Variants in GCH1 observed in about 807,000 individuals in gnomAD.
GCH1 encodes GTP cyclohydrolase I.
GCH1 carries 5 observed loss-of-function variants against 25.9 expected under a neutral mutation model. That is an observed-to-expected ratio of 0.19 (90% confidence interval 0.10 to 0.41). GCH1 has a LOEUF of 0.41. Ranked by LOEUF, GCH1 falls within the 10% of genes least tolerant of loss-of-function variation. GCH1 has a pLI of 1.00. For missense variants in GCH1, 261 were observed against 336.5 expected (o/e 0.78, Z 1.75); for synonymous variants, 159 against 129.6 (o/e 1.23, Z -1.54).
chr14:54,895,683 G>C lies in GCH1; in HGVS notation c.343+6638C>G, dbSNP rs571015568. Among the ~76,000 whole-genome samples the C allele has an allele frequency of 5.9e-4, 90 of 152,310 alleles. 1 individual carries two copies. In the South Asian group the frequency reaches 0.018, roughly 30 times the overall value. On this transcript the variant is annotated intron_variant, in intron 1 of 5. Transcript: ENST00000491895. ...CCAAGATAAAACCTTGAATATTTAA[G>C]AGAACTAGGATACAGCTAAACTGAA...
At chr14:54,846,372 A>G (rs1010231818) in intron 4 of GCH1, among the ~76,000 whole-genome samples, 2 of 152,216 alleles carry the variant, frequency 1.3e-5, no homozygotes, top group Non-Finnish European at 2.9e-5. Flanking sequence ...ATCTATTTGA[A>G]AACTGATGAA....
rs1172565042 is a variant in GCH1, at chr14:54,842,729, A to G, written c.*1288T>C. On this transcript the variant is annotated 3_prime_UTR_variant, in exon 6 of 6. Coordinates refer to ENST00000491895, the MANE Select transcript of GCH1 (RefSeq NM_000161.3). Reference sequence around the variant, plus strand: ...AACCAAATACTAAACTTCATGGAATAACTGTGTTTGTGTTTCTGTGGAGGA... The same window carrying G: ...AACCAAATACTAAACTTCATGGAATGACTGTGTTTGTGTTTCTGTGGAGGA... 3.0e-6 allele frequency: 1 copy of G among 333,364 alleles called. No homozygotes were observed. The highest frequency in any genetic ancestry group is 5.4e-6 in the Non-Finnish European group (1 of 185,708). 20.7% of individuals were successfully genotyped at this position (333,364 alleles called of 1,614,324 possible).
intron 1 of GCH1, among the ~76,000 whole-genome samples, chr14:54,886,679 T>C (rs146780940): frequency 5.2e-4 from 79 of 152,166 alleles, no homozygotes; most frequent in African/African-American, 1.9e-3. Context: ...ACAGATACTG[T>C]CATTTGGAAA....
At chr14:54,849,292 A>G (rs1401319209) in intron 3 of GCH1, among the ~76,000 whole-genome samples, 1 of 152,192 alleles carries the variant, frequency 6.6e-6, no homozygotes, top group Non-Finnish European at 1.5e-5. Context: ...AGGAGTAAAT[A>G]TGAAACCTAA....
At chr14:54,868,063 A>G (rs915598519) in intron 1 of GCH1, among the ~76,000 whole-genome samples, 4 of 152,114 alleles carry the variant, frequency 2.6e-5, no homozygotes, top group Non-Finnish European at 4.4e-5. Flanking sequence ...AAAATCCATA[A>G]CTGCAGCCTA....
In GCH1 at chr14:54,899,934, G is replaced by A. The variant is rs146370398; in HGVS notation, c.343+2387C>T. On this transcript the variant is annotated intron_variant, in intron 1 of 5. Transcript: ENST00000491895. ...GGCTGGAGTGTAATGGTGCGATCTC[G>A]GCTCACTGCAACCTCCGCCTCCAGG... 9.6e-3 allele frequency among the ~76,000 whole-genome samples: 1,460 copies of A among 151,328 alleles called. 26 individuals are homozygous for A. The highest frequency in any genetic ancestry group is 0.033 in the African/African-American group (1,360 of 41,166).
intron 1 of GCH1, among the ~76,000 whole-genome samples, chr14:54,888,468 C>T (rs998275366): frequency 3.9e-5 from 6 of 152,008 alleles, no homozygotes; most frequent in African/African-American, 1.4e-4. Flanking sequence ...CTAGCCCAGG[C>T]TAGCTGTTCT....
In GCH1 at chr14:54,842,887, G is replaced by A; in HGVS notation, c.*1130C>T. 1.8e-6 allele frequency: 1 copy of A among 569,256 alleles called. No individual in the cohort carries two copies. The highest frequency in any genetic ancestry group is 3.2e-6 in the Non-Finnish European group (1 of 314,870). 35.3% of individuals were successfully genotyped at this position (569,256 alleles called of 1,614,324 possible). On this transcript the variant is annotated 3_prime_UTR_variant, in exon 6 of 6. Coordinates refer to ENST00000491895, the MANE Select transcript of GCH1 (RefSeq NM_000161.3). ...CTATACGGAGTTACAATGAGGACAAGACCCACATAGACCACAAAGGAAACC... is the reference window on the plus strand; with the variant it reads ...CTATACGGAGTTACAATGAGGACAAAACCCACATAGACCACAAAGGAAACC...
At chr14:54,863,143 G>A (rs552982205) in intron 2 of GCH1, among the ~76,000 whole-genome samples, 2 of 152,204 alleles carry the variant, frequency 1.3e-5, no homozygotes, top group African/African-American at 4.8e-5. Context: ...TTTAGGGCCA[G>A]GTGCGGTGGC....
intron 1 of GCH1, among the ~76,000 whole-genome samples, chr14:54,874,514 A>C (rs2040129366): frequency 3.3e-5 from 5 of 152,182 alleles, no homozygotes; most frequent in Admixed American, 3.3e-4. Flanking sequence ...AGGAGAAAGA[A>C]ATAAAGGGTA....
chr14:54,859,360 C>A (rs2039861149), intron 3 of GCH1: 3 of 355,894 alleles, frequency 8.4e-6, no homozygotes, highest in South Asian at 5.7e-5. Context: ...GCTAAACCCC[C>A]CTTAAAGGAT....
intron 1 of GCH1, among the ~76,000 whole-genome samples, chr14:54,866,001 A>T (rs1423863550): frequency 1.3e-5 from 2 of 152,160 alleles, no homozygotes; most frequent in African/African-American, 4.8e-5. Context: ...CTTCCTAAGG[A>T]AATAAATCCT....
At chr14:54,862,784 A>G (rs2039923925) in intron 2 of GCH1, among the ~76,000 whole-genome samples, 1 of 151,888 alleles carries the variant, frequency 6.6e-6, no homozygotes, top group Admixed American at 6.6e-5. Flanking sequence ...AGAAATGTTT[A>G]GCCCTAGTCT....
At chr14:54,868,903 T>TTAG (rs1424585268) in intron 1 of GCH1, among the ~76,000 whole-genome samples, 1 of 151,064 alleles carries the variant, frequency 6.6e-6, no homozygotes, top group Non-Finnish European at 1.5e-5. Context: ...CCTGGCCTTA[T>TTAG]TATTATTATT....
intron 1 of GCH1, among the ~76,000 whole-genome samples, chr14:54,870,522 G>A (rs1349393606): frequency 2.6e-5 from 4 of 152,128 alleles, no homozygotes; most frequent in Non-Finnish European, 5.9e-5. Context: ...GGGGTGCAGC[G>A]CACCCAGTGA....
chr14:54,850,006 G>A (rs780715150), intron 3 of GCH1, among the ~76,000 whole-genome samples: 1 of 151,740 alleles, frequency 6.6e-6, no homozygotes, highest in African/African-American at 2.4e-5. Context: ...ACGGAGTCTT[G>A]CTCTGTTGCC....
chr14:54,867,068 G>A (rs1199008382), intron 1 of GCH1, among the ~76,000 whole-genome samples: 1 of 152,014 alleles, frequency 6.6e-6, no homozygotes, highest in Non-Finnish European at 1.5e-5. Flanking sequence ...ATTTTAATAT[G>A]GTATGATTGC....
chr14:54,877,828 G>C (rs1354786228), intron 1 of GCH1, among the ~76,000 whole-genome samples: 1 of 152,046 alleles, frequency 6.6e-6, no homozygotes, highest in East Asian at 1.9e-4. Context: ...TTCGAAACAG[G>C]GGTTCCCAGA....
chr14:54,852,702 T>C (rs1480169694), intron 3 of GCH1, among the ~76,000 whole-genome samples: 1 of 152,250 alleles, frequency 6.6e-6, no homozygotes, highest in Non-Finnish European at 1.5e-5. Context: ...CCACTTTGCC[T>C]GAAGTCATTT....
Sources: allele counts gnomAD v4.1 joint callset (sites outside exome capture counted in the v4.1 genomes callset), GRCh38; gene constraint gnomAD v4.1.1; transcripts MANE v1.5; gene names NCBI Gene and HGNC (gene_info 2026-07-23, HGNC 2026-07-21).